The following PRP4K variants were observed in gnomAD, a reference collection of about 807,000 sequenced individuals.
PRP4K encodes the protein pre-mRNA processing factor kinase PRP4K, also known as serine/threonine-protein kinase PRP4 homolog.
the PRP4K span, among the ~76,000 whole-genome samples, chr6:4,032,957 G>A: frequency 1.3e-5 from 2 of 152,116 alleles, no homozygotes; most frequent in Non-Finnish European, 2.9e-5. Context: ...TTTAAGTATA[G>A]GTGTTTAACA....
the PRP4K span, among the ~76,000 whole-genome samples, chr6:4,035,284 A>ATTTTTTTTTTTTT: frequency 2.7e-3 from 158 of 58,802 alleles, 3 homozygotes; most frequent in South Asian, 7.4e-3. Context: ...CGCCCGGCTA[A>ATTTTTTTTTTTTT]TTTTTTTTTT....
chr6:4,049,178 C>A, the PRP4K span: 1 of 1,346,950 alleles, frequency 7.4e-7, no homozygotes, highest in Non-Finnish European at 1.0e-6. Flanking sequence ...TTGATGCAAT[C>A]ACAGATTATT....
At chr6:4,049,911 C>T in the PRP4K span, 23 of 1,610,010 alleles carry the variant, frequency 1.4e-5, no homozygotes, top group Non-Finnish European at 1.9e-5. Context: ...AAACCTTTAA[C>T]AGTACGGATA....
chr6:4,026,880 G>A, the PRP4K span, among the ~76,000 whole-genome samples: 3 of 152,148 alleles, frequency 2.0e-5, no homozygotes, highest in South Asian at 2.1e-4. Context: ...AGAAAGTGAC[G>A]TTTTAGCAAA....
the PRP4K span, among the ~76,000 whole-genome samples, chr6:4,025,862 C>T: frequency 6.6e-6 from 1 of 152,212 alleles, no homozygotes; most frequent in East Asian, 1.9e-4. Context: ...ATCACGCAGT[C>T]AGAAAATAGG....
At chr6:4,056,270 TATTA>T in the PRP4K span, 2 of 1,285,004 alleles carry the variant, frequency 1.6e-6, no homozygotes, top group Non-Finnish European at 2.2e-6. Flanking sequence ...TATTTATTTG[TATTA>T]ATTATTCCTG....
At chr6:4,043,557 A>G in the PRP4K span, among the ~76,000 whole-genome samples, 7 of 152,162 alleles carry the variant, frequency 4.6e-5, no homozygotes, top group South Asian at 2.1e-4. Flanking sequence ...AAGACAATAA[A>G]TGGTGCCTCA....
the PRP4K span, among the ~76,000 whole-genome samples, chr6:4,036,985 C>CAAA: frequency 2.0e-4 from 23 of 113,918 alleles, no homozygotes; most frequent in South Asian, 2.9e-4. Context: ...GACCCTGTCT[C>CAAA]AAAAAAAAAA....
chr6:4,021,392 C>T, the PRP4K span: 7 of 1,564,302 alleles, frequency 4.5e-6, no homozygotes, highest in Non-Finnish European at 6.1e-6. Context: ...CCGGGAGCCG[C>T]CGCCACCGCC....
chr6:4,058,381 C>G, the PRP4K span, among the ~76,000 whole-genome samples: 1 of 152,162 alleles, frequency 6.6e-6, no homozygotes, highest in Non-Finnish European at 1.5e-5. Context: ...GGTTCCCTAA[C>G]TGCCAAGGAG....
the PRP4K span, chr6:4,051,958 C>T: frequency 1.3e-6 from 2 of 1,532,540 alleles, no homozygotes; most frequent in African/African-American, 1.4e-5. Flanking sequence ...TTATTTTAGG[C>T]AAAAGACTGG....
chr6:4,059,242 A>T, the PRP4K span, among the ~76,000 whole-genome samples: 1 of 151,984 alleles, frequency 6.6e-6, no homozygotes, highest in Non-Finnish European at 1.5e-5. Flanking sequence ...CAGTTTTCAG[A>T]CCTCTCTTCA....
At chr6:4,033,183 C>T in the PRP4K span, among the ~76,000 whole-genome samples, 1 of 152,132 alleles carries the variant, frequency 6.6e-6, no homozygotes, top group African/African-American at 2.4e-5. Flanking sequence ...TCTGTTCATT[C>T]TCTTGTATTT....
At chr6:4,023,652 A>G in the PRP4K span, among the ~76,000 whole-genome samples, 2 of 152,226 alleles carry the variant, frequency 1.3e-5, no homozygotes, top group Non-Finnish European at 2.9e-5. Flanking sequence ...ACCAGAGGGA[A>G]TGTTTTAAGA....
At chr6:4,041,015 A>G in the PRP4K span, 1 of 1,327,338 alleles carries the variant, frequency 7.5e-7, no homozygotes, top group Non-Finnish European at 1.0e-6. Flanking sequence ...ATCCACCTAA[A>G]TATTATAAGT....
chr6:4,027,950 C>CA, the PRP4K span, among the ~76,000 whole-genome samples: 1 of 152,124 alleles, frequency 6.6e-6, no homozygotes, highest in Non-Finnish European at 1.5e-5. Context: ...AGATCATTCT[C>CA]AATCTTTAAA....
the PRP4K span, among the ~76,000 whole-genome samples, chr6:4,030,692 G>C: frequency 2.6e-5 from 4 of 152,230 alleles, no homozygotes; most frequent in East Asian, 7.7e-4. Context: ...TGTATTTTGG[G>C]AAACTGAGTT....
chr6:4,040,217 T>C, the PRP4K span, among the ~76,000 whole-genome samples: 378 of 151,910 alleles, frequency 2.5e-3, 1 homozygote, highest in Admixed American at 4.5e-3. Context: ...TTTACTGTCA[T>C]GTTAGTGAGG....
At chr6:4,058,736 A>G in the PRP4K span, 1 of 1,612,892 alleles carries the variant, frequency 6.2e-7, no homozygotes, top group East Asian at 2.2e-5. Flanking sequence ...AGATGATTCG[A>G]AAAGGTGTGT....
Sources: allele counts gnomAD v4.1 joint callset (sites outside exome capture counted in the v4.1 genomes callset), GRCh38; gene constraint gnomAD v4.1.1; transcripts MANE v1.5; gene names NCBI Gene and HGNC (gene_info 2026-07-23, HGNC 2026-07-21).